Variants in PIP4K2B observed in about 807,000 individuals in gnomAD.
PIP4K2B encodes the protein phosphatidylinositol-5-phosphate 4-kinase type 2 beta.
A neutral mutation model predicts 42.0 loss-of-function variants in PIP4K2B; 3 were observed. That is an observed-to-expected ratio of 0.07 (90% CI 0.03 to 0.18). The LOEUF (loss-of-function observed/expected upper bound fraction) is 0.18. Ranked by LOEUF, PIP4K2B falls within the 10% of genes least tolerant of loss-of-function variation. PIP4K2B has a pLI of 1.00. For missense variants in PIP4K2B, 332 were observed against 562.3 expected (o/e 0.59, Z 4.14); for synonymous variants, 204 against 210.1 (o/e 0.97, Z 0.25).
In PIP4K2B at chr17:38,768,032, GCA is replaced by G. The variant is rs1409888958; in HGVS notation, c.*1657_*1658del. The G allele has an allele frequency of 6.6e-6, 1 of 152,240 alleles. No homozygotes were observed. The highest frequency in any genetic ancestry group is 1.5e-5 in the Non-Finnish European group (1 of 68,052). 9.4% of individuals were successfully genotyped at this position (152,240 alleles called of 1,614,324 possible). A position where few individuals can be genotyped will look rare whatever the true frequency, so the allele number is the denominator to read the frequency against. The stretch of plus-strand genomic sequence containing the variant: ...TCCTGACCTATATGCTGTGAGTCAG[GCA>G]CAGAGACAGTGCTGGTTCCTGCTTC... On this transcript the variant is annotated 3_prime_UTR_variant, in exon 10 of 10. Coordinates refer to ENST00000619039, the MANE Select transcript of PIP4K2B (RefSeq NM_003559.5).
At chr17:38,778,222 C>G in intron 6 of PIP4K2B, 112 bp downstream of exon 6, 1 of 914,638 alleles carries the variant, frequency 1.1e-6, no homozygotes. Flanking sequence ...TGTTGACAGA[C>G]GGCATGTCTG....
At chr17:38,794,054 C>T (rs890230408) in intron 1 of PIP4K2B, among the ~76,000 whole-genome samples, 2 of 152,054 alleles carry the variant, frequency 1.3e-5, no homozygotes, top group African/African-American at 4.8e-5. Flanking sequence ...ATACATACTC[C>T]AGCACTATTC....
At chr17:38,798,231 C>T (rs1910754353) in intron 1 of PIP4K2B, among the ~76,000 whole-genome samples, 1 of 152,198 alleles carries the variant, frequency 6.6e-6, no homozygotes, top group African/African-American at 2.4e-5. Flanking sequence ...TTCCAAAATT[C>T]TAGTTAGTGA....
rs2143287840 is a variant in PIP4K2B, at chr17:38,767,380, T to C, written c.*2311A>G. ...AAGGTTTTGAAGATAGCACAGCGAATGACCTTTAAAAAAAAAAATTGAAAA... is the reference window on the plus strand; with the variant it reads ...AAGGTTTTGAAGATAGCACAGCGAACGACCTTTAAAAAAAAAAATTGAAAA... On this transcript the variant is annotated 3_prime_UTR_variant, in exon 10 of 10. Coordinates refer to ENST00000619039, the MANE Select transcript of PIP4K2B (RefSeq NM_003559.5). 7.1e-6 allele frequency: 1 copy of C among 141,780 alleles called. No homozygotes were observed. Among genetic ancestry groups the C allele is most frequent in the South Asian group, 2.6e-4 (1 of 3,790 alleles). 8.8% of individuals were successfully genotyped at this position (141,780 alleles called of 1,614,324 possible).
At chr17:38,777,409 A>G (rs759932114) in intron 7 of PIP4K2B, among the ~76,000 whole-genome samples, 18 of 152,224 alleles carry the variant, frequency 1.2e-4, no homozygotes, top group Admixed American at 2.6e-4. Flanking sequence ...GGACAACAGC[A>G]GAAGGGAGTT....
intron 4 of PIP4K2B, 146 bp from the exon 5 acceptor site, chr17:38,779,675 T>C (rs751771199): frequency 1.2e-5 from 8 of 671,406 alleles, no homozygotes; most frequent in South Asian, 4.1e-5. Context: ...TATGAAGTAA[T>C]AGGGGTTTCT....
intron 7 of PIP4K2B, among the ~76,000 whole-genome samples, chr17:38,775,782 C>T (rs976609627): frequency 3.9e-5 from 6 of 151,916 alleles, no homozygotes; most frequent in East Asian, 2.0e-4. Context: ...CGCTTGAACC[C>T]GGGAGGCGGA....
intron 1 of PIP4K2B, among the ~76,000 whole-genome samples, chr17:38,787,379 G>A (rs1242395097): frequency 6.6e-6 from 1 of 152,002 alleles, no homozygotes; most frequent in East Asian, 1.9e-4. Context: ...TTTACCTATT[G>A]AAACTCTCCA....
At chr17:38,798,336 G>A (rs1215717409) in intron 1 of PIP4K2B, among the ~76,000 whole-genome samples, 2 of 152,202 alleles carry the variant, frequency 1.3e-5, no homozygotes, top group Admixed American at 6.5e-5. Context: ...GTGGTTGGAA[G>A]AGGGAGAATA....
intron 7 of PIP4K2B, among the ~76,000 whole-genome samples, chr17:38,771,714 C>T (rs1008139549): frequency 6.6e-6 from 1 of 152,016 alleles, no homozygotes; most frequent in African/African-American, 2.4e-5. Context: ...AGGGAACAGC[C>T]CATGACGGTT....
At chr17:38,774,304 G>A (rs1002588876) in intron 7 of PIP4K2B, among the ~76,000 whole-genome samples, 9 of 152,158 alleles carry the variant, frequency 5.9e-5, no homozygotes, top group Admixed American at 3.9e-4. Flanking sequence ...ATCAGCAGAA[G>A]GCCTGAAGAG....
intron 1 of PIP4K2B, among the ~76,000 whole-genome samples, chr17:38,796,565 G>C (rs1014405963): frequency 3.3e-5 from 5 of 152,132 alleles, no homozygotes; most frequent in African/African-American, 4.8e-5. Flanking sequence ...AAAGTCTTCT[G>C]ATTTTTCTCC....
intron 1 of PIP4K2B, among the ~76,000 whole-genome samples, chr17:38,787,202 A>AT (rs1449409696): frequency 1.2e-4 from 19 of 152,034 alleles, no homozygotes; most frequent in African/African-American, 3.9e-4. Flanking sequence ...CGCCCAGCTA[A>AT]TTTTTTTGTA....
chr17:38,768,470 G>C lies in PIP4K2B; in HGVS notation c.*1221C>G, dbSNP rs1433216050. The C allele has an allele frequency of 6.5e-6, 1 of 152,834 alleles. No individual in the cohort carries two copies. The highest frequency in any genetic ancestry group is 6.5e-5 in the Admixed American group (1 of 15,290). 9.5% of individuals were successfully genotyped at this position (152,834 alleles called of 1,614,324 possible). ...TCAAGCCTCCAAACTGGATTTCCTG[G>C]ATCACATCCTCATGTAACTAGGAAG... On this transcript the variant is annotated 3_prime_UTR_variant, in exon 10 of 10. Coordinates refer to ENST00000619039, the MANE Select transcript of PIP4K2B (RefSeq NM_003559.5).
Position 38,771,059 on chromosome 17 carries a change from C to T in PIP4K2B, c.1021G>A (p.Glu341Lys). The T allele has an allele frequency of 6.2e-7, 1 of 1,614,106 alleles. No individual in the cohort carries two copies. Among genetic ancestry groups the T allele is most frequent in the Non-Finnish European group, 8.5e-7 (1 of 1,180,012 alleles). ...LSFPRFFGPG[E>K]FDPSVDVYAM... is the part of the protein sequence containing the mutation. The stretch of plus-strand genomic sequence containing the variant: ...TAGACGTCAACAGAGGGGTCGAATT[C>T]CCCAGGACCAAAGAACCGAGGAAAG... Residue 341 changes from glutamate to lysine, a missense_variant, in exon 8 of 10, where the codon GAA (glutamate) becomes AAA (lysine). Coordinates refer to ENST00000619039, the MANE Select transcript of PIP4K2B (RefSeq NM_003559.5).
intron 4 of PIP4K2B, among the ~76,000 whole-genome samples, chr17:38,780,222 CT>C (rs1909619421): frequency 6.6e-6 from 1 of 152,226 alleles, no homozygotes; most frequent in Non-Finnish European, 1.5e-5. Context: ...TGCGTGAACA[CT>C]TTCCAACTGG....
chr17:38,766,389 C>G lies in PIP4K2B; in HGVS notation c.*3302G>C, dbSNP rs1908706382. ...ATGCTGGGGTGCTGCAGTTTTCTCTCCCACCCTGAATTGGTAAAAAGACAA... is the reference window on the plus strand; with the variant it reads ...ATGCTGGGGTGCTGCAGTTTTCTCTGCCACCCTGAATTGGTAAAAAGACAA... On this transcript the variant is annotated 3_prime_UTR_variant, in exon 10 of 10. Transcript: ENST00000619039. 6.5e-6 allele frequency: 1 copy of G among 152,714 alleles called. No homozygotes were observed. The highest frequency in any genetic ancestry group is 1.5e-5 in the Non-Finnish European group (1 of 68,126). 9.5% of individuals were successfully genotyped at this position (152,714 alleles called of 1,614,324 possible).
chr17:38,781,600 T>A (rs917495744), intron 3 of PIP4K2B, among the ~76,000 whole-genome samples: 2 of 152,262 alleles, frequency 1.3e-5, no homozygotes, highest in Middle Eastern at 3.4e-3. Context: ...CACTGCAGCC[T>A]CTACCTCCTG....
chr17:38,795,760 A>G (rs541212617), intron 1 of PIP4K2B, among the ~76,000 whole-genome samples: 2 of 150,852 alleles, frequency 1.3e-5, no homozygotes. Flanking sequence ...CAAGAAAAAA[A>G]AAAAAAGAAA....
Sources: gnomAD v4.1 joint callset for allele counts (sites outside exome capture counted in the v4.1 genomes callset) on GRCh38, gnomAD v4.1.1 for gene constraint, MANE v1.5 for transcripts, NCBI Gene and HGNC (gene_info 2026-07-23, HGNC 2026-07-21) for gene names.